The following PIK3R6 variants were observed in gnomAD, a reference collection of about 807,000 sequenced individuals.
The protein encoded by PIK3R6 is phosphoinositide-3-kinase regulatory subunit 6, also known as phosphoinositide 3-kinase regulatory subunit 6.
In PIK3R6, 91 loss-of-function variants were observed where a neutral mutation model predicts 84.9. The observed-to-expected ratio is 1.07, with a 90% CI of 0.90 to 1.28. The LOEUF is 1.28. PIK3R6 is among the 50% of genes most tolerant of loss of function. The probability of loss-of-function intolerance (pLI) is 0.00; values close to 1 mark genes in which losing one functional copy is unlikely to be tolerated. For synonymous variants in PIK3R6, 416 were observed against 411.4 expected (o/e 1.01, Z -0.13); for missense variants, 996 against 985.1 (o/e 1.01, Z -0.15).
At position 8,837,785 on chromosome 17, in the gene PIK3R6, C is replaced by T; in HGVS notation, c.258+18G>A. The T allele has an allele frequency of 2.5e-6, 4 of 1,608,714 alleles. No homozygotes were observed. Among genetic ancestry groups the T allele is most frequent in the African/African-American group, 1.3e-5 (1 of 74,848 alleles). ...ATGCAGGTCACCACTACCACCTCGA[C>T]CTCAGTCCCCAGCTCACCTTGGTGA... is the stretch of plus-strand genomic sequence containing the variant. On this transcript the variant is annotated intron_variant, in intron 5 of 19. Coordinates refer to ENST00000619866, the MANE Select transcript of PIK3R6 (RefSeq NM_001010855.4).
chr17:8,850,443 C>A (rs940368159), intron 1 of PIK3R6, among the ~76,000 whole-genome samples: 1 of 152,212 alleles, frequency 6.6e-6, no homozygotes, highest in Non-Finnish European at 1.5e-5. Flanking sequence ...TCTCTCCCCC[C>A]TCCCCAGTTC....
chr17:8,866,559 C>T (rs952918673), intron 1 of PIK3R6, among the ~76,000 whole-genome samples: 12 of 152,134 alleles, frequency 7.9e-5, no homozygotes, highest in East Asian at 1.9e-4. Context: ...AAAAAAGGAC[C>T]GGCCTGCGAG....
intron 13 of PIK3R6, among the ~76,000 whole-genome samples, chr17:8,825,663 TG>T (rs532030003): frequency 4.5e-4 from 69 of 152,162 alleles, no homozygotes; most frequent in Non-Finnish European, 8.1e-4. Flanking sequence ...AAAAATAAAA[TG>T]ACATACTTCA....
intron 17 of PIK3R6, among the ~76,000 whole-genome samples, chr17:8,819,714 A>G (rs1388194228): frequency 2.0e-5 from 3 of 147,784 alleles, no homozygotes; most frequent in African/African-American, 7.4e-5. Context: ...ACACATATAT[A>G]TACATATATA....
intron 13 of PIK3R6, among the ~76,000 whole-genome samples, chr17:8,823,869 CAAG>C (rs2087829038): frequency 6.6e-6 from 1 of 152,132 alleles, no homozygotes; most frequent in Non-Finnish European, 1.5e-5. Context: ...CAGGCGTGGG[CAAG>C]TTATTCAAAC....
intron 12 of PIK3R6, 23 bp downstream of exon 12, chr17:8,828,089 C>T: frequency 6.2e-7 from 1 of 1,611,976 alleles, no homozygotes; most frequent in Non-Finnish European, 8.5e-7. Context: ...TGCCCCGCCA[C>T]CGCCTCCCCG....
rs76077765 is a variant in PIK3R6, at chr17:8,821,742, C to T, written c.1879+104G>A. On this transcript the variant is annotated intron_variant, in intron 17 of 19. Transcript: ENST00000619866. ...CAAGTCCTGGTCCTGGCTCCAGTTC[C>T]GTGACTGAGAGGGCTCCCCCTTCTC... is the stretch of plus-strand genomic sequence containing the variant. The T allele has an allele frequency of 4.4e-3, 5,514 of 1,264,906 alleles. 142 individuals are homozygous for T. The African/African-American group carries it at 0.056, about 13-fold the overall frequency. The allele number at this position is 1,264,906 out of a possible 1,614,324, so 78.4% of individuals were successfully genotyped here.
Position 8,836,826 on chromosome 17 carries a change from C to A in PIK3R6, c.356G>T (p.Cys119Phe), listed in dbSNP as rs773604264. The A allele has an allele frequency of 6.2e-7, 1 of 1,600,906 alleles. No individual in the cohort carries two copies. The highest frequency in any genetic ancestry group is 1.1e-5 in the South Asian group (1 of 88,626). The change falls in exon 6 of 20, where the codon TGC (cysteine) becomes TTC (phenylalanine). Residue 119 changes from cysteine (C) to phenylalanine (F), a missense_variant. By Grantham distance (205) the Cys-to-Phe change is radical. Transcript: ENST00000619866. ...CATCTCCGTTTTCAGCCTTATCGCG[C>A]AGTCCAAGGCGACTGTGCAGTAGGG... The part of the protein sequence containing the change: ...PTPYCTVALD[C>F]AIRLKTEMAV...
At chr17:8,825,725 T>C (rs2087895910) in intron 13 of PIK3R6, among the ~76,000 whole-genome samples, 3 of 152,186 alleles carry the variant, frequency 2.0e-5, no homozygotes, top group Admixed American at 6.5e-5. Flanking sequence ...AATGTAAAAA[T>C]TGAGACATGG....
intron 1 of PIK3R6, among the ~76,000 whole-genome samples, chr17:8,861,463 A>C (rs1196412161): frequency 6.6e-6 from 1 of 152,184 alleles, no homozygotes. Flanking sequence ...TGGTCCAAAA[A>C]TATTAAATGA....
chr17:8,829,024 T>C (rs2151235450), intron 10 of PIK3R6, 34 bp from the exon 11 acceptor site: 2 of 1,486,250 alleles, frequency 1.3e-6, no homozygotes, highest in Non-Finnish European at 1.8e-6. Flanking sequence ...TGAGGACACG[T>C]GAGGCTGGCA....
chr17:8,819,513 C>A (rs2087648210), intron 17 of PIK3R6, among the ~76,000 whole-genome samples: 1 of 151,850 alleles, frequency 6.6e-6, no homozygotes. Flanking sequence ...TCTAGAAGTT[C>A]TCTTGAACTT....
intron 13 of PIK3R6, among the ~76,000 whole-genome samples, chr17:8,825,195 C>A (rs1020253844): frequency 8.5e-5 from 13 of 152,088 alleles, no homozygotes; most frequent in Non-Finnish European, 1.5e-4. Context: ...TATAAGGACA[C>A]TTGGACAAAT....
At chr17:8,826,494 G>A (rs2087922205) in intron 13 of PIK3R6, among the ~76,000 whole-genome samples, 1 of 152,120 alleles carries the variant, frequency 6.6e-6, no homozygotes, top group Admixed American at 6.5e-5. Context: ...TGGTGAAGCT[G>A]GAAACCATCA....
In PIK3R6 at chr17:8,804,112, C is replaced by T. The variant is rs772235781; in HGVS notation, c.2037G>A (p.Gln679=). The T allele has an allele frequency of 1.9e-6, 3 of 1,614,048 alleles. No homozygotes were observed. Among genetic ancestry groups the T allele is most frequent in the Middle Eastern group, 3.3e-4 (2 of 6,062 alleles). Residue 679 remains glutamine (Q), a synonymous_variant, in exon 19 of 20, where the codon CAG becomes CAA. Transcript: ENST00000619866. The part of the protein sequence containing the change: ...NTFRTNNIQI[Q]SRDQRLLTLS... Reference sequence around the variant, plus strand: ...GTGTCAGCAGCCTCTGGTCCCGGCTCTGGATCTGGATATTGTTCGTCCTGA... The same window carrying T: ...GTGTCAGCAGCCTCTGGTCCCGGCTTTGGATCTGGATATTGTTCGTCCTGA...
intron 18 of PIK3R6, 60 bp downstream of exon 18, chr17:8,819,023 C>A: frequency 7.5e-7 from 1 of 1,330,556 alleles, no homozygotes. Flanking sequence ...CTCTGGGCTC[C>A]CAGCCACCTA....
chr17:8,816,945 C>A (rs184119866), intron 18 of PIK3R6, among the ~76,000 whole-genome samples: 101 of 152,226 alleles, frequency 6.6e-4, no homozygotes, highest in Non-Finnish European at 7.4e-4. Context: ...ACATACTTAC[C>A]CCTAAGGAAA....
At chr17:8,813,971 G>C (rs761473483) in intron 18 of PIK3R6, among the ~76,000 whole-genome samples, 21 of 152,158 alleles carry the variant, frequency 1.4e-4, no homozygotes, top group African/African-American at 7.2e-5. Context: ...AATTATCCCA[G>C]CTCCAGAGTG....
Position 8,836,605 on chromosome 17 carries a change from G to GGTAC in PIK3R6, c.399_402dup (p.Gln135ValfsTer14). The GGTAC allele has an allele frequency of 6.2e-7, 1 of 1,613,928 alleles. No homozygotes were observed. The highest frequency in any genetic ancestry group is 8.5e-7 in the Non-Finnish European group (1 of 1,179,888). On this transcript the variant is annotated frameshift_variant, in exon 7 of 20. Transcript: ENST00000619866. LOFTEE classifies it high-confidence loss of function. ...TTCTGTTCGGCAATGACCATCCTTTGGTACAGTGTCCCTGCAAACCAGACC... is the reference window on the plus strand; with the variant it reads ...TTCTGTTCGGCAATGACCATCCTTTGGTACGTACAGTGTCCCTGCAAACCAGACC...
Sources: allele counts gnomAD v4.1 joint callset (sites outside exome capture counted in the v4.1 genomes callset), GRCh38; gene constraint gnomAD v4.1.1; transcripts MANE v1.5; gene names NCBI Gene and HGNC (gene_info 2026-07-23, HGNC 2026-07-21).